Variants in TNIK observed in about 807,000 individuals in gnomAD.
The protein encoded by TNIK is TRAF2 and NCK-interacting protein kinase.
Under a neutral mutation model 191.3 loss-of-function variants are expected in TNIK, and 49 were observed. That is an observed-to-expected ratio of 0.26 (90% CI 0.20 to 0.32). The LOEUF (loss-of-function observed/expected upper bound fraction) is 0.32, where lower values mean the gene tolerates loss of function less well. TNIK is among the 10% of genes least tolerant of loss of function. The pLI is 1.00. For missense variants in TNIK, 1,155 were observed against 1,702.3 expected (o/e 0.68, Z 5.66); for synonymous variants, 594 against 600.9 (o/e 0.99, Z 0.17).
chr3:171,161,439 T>TA, intron 10 of TNIK, 103 bp from the exon 11 acceptor site: 1 of 987,996 alleles, frequency 1.0e-6, no homozygotes, highest in Non-Finnish European at 1.5e-6. Flanking sequence ...CAAAGAGTTG[T>TA]AGTTAACACA....
intron 2 of TNIK, among the ~76,000 whole-genome samples, chr3:171,348,750 T>C (rs1030464549): frequency 2.6e-5 from 4 of 152,250 alleles, no homozygotes; most frequent in Non-Finnish European, 5.9e-5. Flanking sequence ...CTTTCATTTG[T>C]GTTTGAGTCC....
At chr3:171,163,087 C>A (rs1460616854) in intron 10 of TNIK, among the ~76,000 whole-genome samples, 1 of 152,068 alleles carries the variant, frequency 6.6e-6, no homozygotes, top group African/African-American at 2.4e-5. Flanking sequence ...GTAAGGCTGG[C>A]AGTATTACAG....
intron 3 of TNIK, among the ~76,000 whole-genome samples, chr3:171,215,651 C>A (rs1367422454): frequency 1.3e-5 from 2 of 152,104 alleles, no homozygotes; most frequent in Non-Finnish European, 2.9e-5. Context: ...AGAAGAGAAC[C>A]CTGACTTTGG....
At chr3:171,097,569 T>C (rs59766477) in intron 22 of TNIK, among the ~76,000 whole-genome samples, 22,514 of 152,096 alleles carry the variant, frequency 0.15, 2,224 homozygotes, top group African/African-American at 0.28. Flanking sequence ...AGTGAATAAA[T>C]CTCAGGACAT....
chr3:171,420,590 T>C (rs535353161), intron 1 of TNIK, among the ~76,000 whole-genome samples: 1 of 152,294 alleles, frequency 6.6e-6, no homozygotes, highest in East Asian at 1.9e-4. Context: ...GAACCCTATA[T>C]ACACAATTTT....
At chr3:171,334,223 G>C (rs1354211969) in intron 2 of TNIK, among the ~76,000 whole-genome samples, 1 of 152,184 alleles carries the variant, frequency 6.6e-6, no homozygotes, top group African/African-American at 2.4e-5. Flanking sequence ...TGGCTTTTAG[G>C]AAAATCACCC....
chr3:171,284,162 T>C (rs1408709391), intron 2 of TNIK, among the ~76,000 whole-genome samples: 1 of 152,044 alleles, frequency 6.6e-6, no homozygotes, highest in Non-Finnish European at 1.5e-5. Flanking sequence ...TCTTAGCCCC[T>C]CATTGTTAAG....
intron 2 of TNIK, among the ~76,000 whole-genome samples, chr3:171,346,564 A>T (rs1349659391): frequency 1.3e-5 from 2 of 152,134 alleles, no homozygotes; most frequent in African/African-American, 2.4e-5. Context: ...AGTCTGATAA[A>T]TATATTATTC....
chr3:171,395,082 T>C (rs1481952782), intron 1 of TNIK, among the ~76,000 whole-genome samples: 1 of 152,134 alleles, frequency 6.6e-6, no homozygotes, highest in Non-Finnish European at 1.5e-5. Context: ...GAAAAAACGA[T>C]TGAGATTCTC....
chr3:171,169,557 C>T (rs9839812), intron 9 of TNIK, among the ~76,000 whole-genome samples: 79,939 of 152,052 alleles, frequency 0.53, 22,291 homozygotes, highest in East Asian at 0.87. Flanking sequence ...CATGGGCCAC[C>T]GCACCTGCCA....
At chr3:171,333,321 T>A (rs1756595206) in intron 2 of TNIK, among the ~76,000 whole-genome samples, 1 of 151,992 alleles carries the variant, frequency 6.6e-6, no homozygotes, top group Non-Finnish European at 1.5e-5. Context: ...TTTGGTAGGC[T>A]GAGGTGGGCA....
At chr3:171,353,715 A>G (rs866355132) in intron 2 of TNIK, among the ~76,000 whole-genome samples, 4 of 152,212 alleles carry the variant, frequency 2.6e-5, no homozygotes, top group Admixed American at 2.6e-4. Flanking sequence ...GTTCAAGTCT[A>G]GGAAGACAGC....
At chr3:171,405,177 T>G (rs1468924785) in intron 1 of TNIK, among the ~76,000 whole-genome samples, 2 of 152,132 alleles carry the variant, frequency 1.3e-5, no homozygotes, top group African/African-American at 4.8e-5. Context: ...CAGTGTGGAT[T>G]TGAACGCAAG....
At position 171,091,954 on chromosome 3, in the gene TNIK, C is replaced by CTT. The variant is rs749686909; in HGVS notation, c.2721+1883_2721+1884dup. ...TGCTATTTTCTTTCTTTCTTTCTTT[C>CTT]TTTTTTTTTTTTTAAGACAGAGTCT... On this transcript the variant is annotated intron_variant, in intron 23 of 32. Transcript: ENST00000436636. 2.7e-3 allele frequency among the ~76,000 whole-genome samples: 390 copies of CTT among 144,342 alleles called. 1 individual carries two copies. Among genetic ancestry groups the CTT allele is most frequent in the Admixed American group, 5.0e-3 (72 of 14,376 alleles). 94.7% of individuals were successfully genotyped at this position (144,342 alleles called of 152,430 possible).
rs941253075 is a variant in TNIK, at chr3:171,460,245, C to T, written c.-182G>A. The T allele has an allele frequency of 5.3e-6, 4 of 749,472 alleles. No homozygotes were observed. Among genetic ancestry groups the T allele is most frequent in the African/African-American group, 5.3e-5 (3 of 56,964 alleles). 46.4% of individuals were successfully genotyped at this position (749,472 alleles called of 1,614,324 possible). ...TCCCGATCCTCCGCGCGTCGGTCCG[C>T]CGGGTCCGGGAGCCCAGCCTGCGCG... is the stretch of plus-strand genomic sequence containing the variant. On this transcript the variant is annotated 5_prime_UTR_variant, in exon 1 of 33. Transcript: ENST00000436636. The surrounding 1 kb of genome is among the most constrained non-coding windows in gnomAD (Gnocchi z 6.8).
chr3:171,187,970 T>A (rs1421076502), intron 7 of TNIK, among the ~76,000 whole-genome samples: 1 of 152,204 alleles, frequency 6.6e-6, no homozygotes, highest in Non-Finnish European at 1.5e-5. Context: ...GCCTTGACTT[T>A]CAGTCACCAT....
chr3:171,066,584 G>A lies in TNIK; in HGVS notation c.3851C>T (p.Thr1284Met), dbSNP rs774343987. 1.9e-5 allele frequency: 30 copies of A among 1,612,744 alleles called. No homozygotes were observed. The highest frequency in any genetic ancestry group is 3.3e-5 in the Admixed American group (2 of 59,826). The change falls in exon 31 of 33, where the codon ACG becomes ATG. Residue 1284 changes from threonine (T) to methionine (M), a missense_variant. Thr to Met is a moderately conservative substitution (Grantham distance 81). This residue lies in a region of TNIK where 195 missense variants were observed against 415.4 expected (regional missense o/e 0.47). Coordinates refer to ENST00000436636, the MANE Select transcript of TNIK (RefSeq NM_015028.4). ...DVVLQWGEMPTSVAYIHSNQI... is the reference protein window; with the variant it reads ...DVVLQWGEMPMSVAYIHSNQI... ...AGGAATGGTTAACCTACCCACAGAC[G>A]TGGGCATTTCTCCCCATTGGAGCAC...
intron 2 of TNIK, among the ~76,000 whole-genome samples, chr3:171,350,259 A>G (rs971779697): frequency 3.3e-5 from 5 of 152,186 alleles, no homozygotes; most frequent in South Asian, 2.1e-4. Flanking sequence ...TATTTGTTCC[A>G]GAACAGTTCC....
chr3:171,229,689 A>C (rs754775634), intron 2 of TNIK, among the ~76,000 whole-genome samples: 2 of 151,798 alleles, frequency 1.3e-5, no homozygotes, highest in Non-Finnish European at 2.9e-5. Flanking sequence ...CTTTCTTCTC[A>C]CATATCTCAG....
Sources: gnomAD v4.1 joint callset for allele counts (sites outside exome capture counted in the v4.1 genomes callset) on GRCh38, gnomAD v4.1.1 for gene constraint, gnomAD v4.1.1 regional missense constraint, Gnocchi (gnomAD v3.1) non-coding constraint, MANE v1.5 for transcripts, NCBI Gene and HGNC (gene_info 2026-07-23, HGNC 2026-07-21) for gene names.